The following NARS2 variants were observed in gnomAD, a reference collection of about 807,000 sequenced individuals.
The protein encoded by NARS2 is asparaginyl-tRNA synthetase.
In NARS2, 60 loss-of-function variants were observed where a neutral mutation model predicts 62.9. The ratio of observed to expected loss-of-function variants is 0.95; its 90% CI spans 0.77 to 1.18. NARS2 has a LOEUF of 1.18. NARS2 is among the 50% of genes most tolerant of loss of function. The pLI, the probability that NARS2 is intolerant of heterozygous loss-of-function variation, is 0.00. For synonymous variants in NARS2, 196 were observed against 200.0 expected (o/e 0.98, Z 0.17); for missense variants, 619 against 576.4 (o/e 1.07, Z -0.76).
At chr11:78,510,611 T>C (rs971227935) in intron 6 of NARS2, among the ~76,000 whole-genome samples, 2 of 152,154 alleles carry the variant, frequency 1.3e-5, no homozygotes, top group Admixed American at 6.6e-5. Flanking sequence ...CTAACAAACA[T>C]ATACAGAACA....
At chr11:78,540,195 A>C (rs1193068203) in intron 5 of NARS2, among the ~76,000 whole-genome samples, 1 of 152,192 alleles carries the variant, frequency 6.6e-6, no homozygotes, top group African/African-American at 2.4e-5. Flanking sequence ...GCTACCAAAA[A>C]AATTTTTTTA....
At chr11:78,492,291 T>C (rs1859855691) in intron 7 of NARS2, among the ~76,000 whole-genome samples, 1 of 152,152 alleles carries the variant, frequency 6.6e-6, no homozygotes, top group East Asian at 1.9e-4. Context: ...AAGCATCAAA[T>C]CTTGGTCCAT....
chr11:78,567,307 C>T (rs1856776057), intron 3 of NARS2, among the ~76,000 whole-genome samples: 1 of 152,088 alleles, frequency 6.6e-6, no homozygotes, highest in Non-Finnish European at 1.5e-5. Flanking sequence ...GTATAAAGTA[C>T]AGATAAGCAG....
At chr11:78,558,368 C>T (rs1590863205) in intron 5 of NARS2, 2 of 152,272 alleles carry the variant, frequency 1.3e-5, no homozygotes, top group Admixed American at 1.3e-4. Flanking sequence ...CTCCCAGAGA[C>T]TACTTTGTTC....
At chr11:78,498,632 C>T (rs1192566285) in intron 6 of NARS2, among the ~76,000 whole-genome samples, 1 of 150,724 alleles carries the variant, frequency 6.6e-6, no homozygotes, top group Non-Finnish European at 1.5e-5. Flanking sequence ...TGATTTCAGT[C>T]GTCTCCCAAC....
chr11:78,502,127 T>C (rs553097094), intron 6 of NARS2, among the ~76,000 whole-genome samples: 1 of 152,340 alleles, frequency 6.6e-6, no homozygotes, highest in East Asian at 1.9e-4. Flanking sequence ...GGCAAATCTA[T>C]AAAAACAGAA....
intron 1 of NARS2, 70 bp from the exon 2 acceptor site, chr11:78,571,514 A>G: frequency 1.9e-6 from 2 of 1,054,848 alleles, no homozygotes; most frequent in Admixed American, 2.1e-5. Flanking sequence ...ACACACACAG[A>G]CTAAATGAAA....
intron 4 of NARS2, among the ~76,000 whole-genome samples, chr11:78,561,401 A>G (rs1320847892): frequency 2.6e-5 from 4 of 152,202 alleles, no homozygotes; most frequent in Non-Finnish European, 5.9e-5. Flanking sequence ...ACTTATTTAT[A>G]CTGTCCCGCA....
chr11:78,478,009 T>C (rs1859176478), intron 9 of NARS2, among the ~76,000 whole-genome samples: 1 of 152,220 alleles, frequency 6.6e-6, no homozygotes, highest in Admixed American at 6.5e-5. Flanking sequence ...CATCATTAAC[T>C]CTCACGCAGA....
At chr11:78,480,268 T>G (rs559095992) in intron 7 of NARS2, among the ~76,000 whole-genome samples, 1 of 152,208 alleles carries the variant, frequency 6.6e-6, no homozygotes, top group South Asian at 2.1e-4. Context: ...TACATTTTAT[T>G]TATTTATTGT....
rs569727215 is a variant in NARS2 at position 78,436,735 on chromosome 11, A to C, written c.1369T>G (p.Leu457Val). Residue 457 changes from leucine to valine, a missense_variant, in exon 14 of 14, where the codon TTG becomes GTG. Leu to Val is a conservative substitution (Grantham distance 32). Transcript: ENST00000281038. ...MGFERYLQCI[L>V]GVDNIKDVIP... Reference sequence around the variant, plus strand: ...ACATCTTTGATATTGTCAACACCCAAGATGCACTGCAGGTAGCGTTCAAAT... The same window carrying C: ...ACATCTTTGATATTGTCAACACCCACGATGCACTGCAGGTAGCGTTCAAAT... 6.2e-7 allele frequency: 1 copy of C among 1,614,228 alleles called. No individual in the cohort carries two copies. The highest frequency in any genetic ancestry group is 1.1e-5 in the South Asian group (1 of 91,090).
intron 6 of NARS2, among the ~76,000 whole-genome samples, chr11:78,496,794 C>CA (rs1178641210): frequency 6.6e-6 from 1 of 152,112 alleles, no homozygotes; most frequent in Non-Finnish European, 1.5e-5. Context: ...TTCTGGTCTT[C>CA]AAATCCTTAT....
rs112397973 is a variant in NARS2, at chr11:78,467,822, C to T, written c.1026+1425G>A. 2.6e-5 allele frequency among the ~76,000 whole-genome samples: 4 copies of T among 152,028 alleles called. No individual in the cohort carries two copies. The East Asian group carries it at 5.8e-4, about 22-fold the overall frequency. ...GTATACATGTATCAAATCATCATGTCGTATACCCTGAATATATACAATCTT... is the reference window on the plus strand; with the variant it reads ...GTATACATGTATCAAATCATCATGTTGTATACCCTGAATATATACAATCTT... On this transcript the variant is annotated intron_variant, in intron 10 of 13. Transcript: ENST00000281038.
chr11:78,535,720 C>G (rs1000473130), intron 5 of NARS2, among the ~76,000 whole-genome samples: 1 of 151,882 alleles, frequency 6.6e-6, no homozygotes, highest in African/African-American at 2.4e-5. Flanking sequence ...ACCTCTGCCC[C>G]GCCAGGTTCA....
intron 6 of NARS2, among the ~76,000 whole-genome samples, chr11:78,519,828 G>C (rs1028059198): frequency 6.6e-6 from 1 of 151,932 alleles, no homozygotes; most frequent in Non-Finnish European, 1.5e-5. Context: ...AGCTTCCCGA[G>C]TAGCTGGGAC....
chr11:78,465,749 G>A, intron 11 of NARS2, 127 bp downstream of exon 11: 1 of 1,084,056 alleles, frequency 9.2e-7, no homozygotes. Context: ...TTTAAGAGAT[G>A]TCTTTGAAAA....
Position 78,490,204 on chromosome 11 carries a change from G to A in NARS2, c.822+2859C>T, listed in dbSNP as rs1859757365. ...TCAGACACCTATTATGCAACTCTCA[G>A]GGAGTAACGTCACTGAAGCTACCTC... On this transcript the variant is annotated intron_variant, in intron 7 of 13. Transcript: ENST00000281038. Among the ~76,000 whole-genome samples the A allele has an allele frequency of 2.0e-5, 3 of 152,168 alleles. No individual in the cohort carries two copies. In the South Asian group the frequency reaches 6.2e-4, roughly 32 times the overall value.
intron 4 of NARS2, among the ~76,000 whole-genome samples, chr11:78,561,548 A>G (rs1032277408): frequency 2.0e-5 from 3 of 152,220 alleles, no homozygotes; most frequent in Non-Finnish European, 4.4e-5. Context: ...CTAAAACCAG[A>G]TATTTTATAA....
intron 6 of NARS2, among the ~76,000 whole-genome samples, chr11:78,498,096 A>C (rs1860134263): frequency 6.6e-6 from 1 of 152,162 alleles, no homozygotes; most frequent in Non-Finnish European, 1.5e-5. Context: ...CAAAGCAAAC[A>C]CCAACACATA....
Sources: allele counts gnomAD v4.1 joint callset (sites outside exome capture counted in the v4.1 genomes callset), GRCh38; gene constraint gnomAD v4.1.1; transcripts MANE v1.5; gene names NCBI Gene and HGNC (gene_info 2026-07-23, HGNC 2026-07-21).